Variants in CUEDC1 observed in about 807,000 individuals in gnomAD.
CUEDC1 encodes CUE domain-containing protein 1.
In CUEDC1, 30 loss-of-function variants were observed where a neutral mutation model predicts 43.7. The observed-to-expected ratio is 0.69, with a 90% CI of 0.51 to 0.93. The LOEUF is 0.93. Ranked by LOEUF, CUEDC1 falls within the 40% of genes least tolerant of loss-of-function variation. The pLI is 0.00. For missense variants in CUEDC1, 486 were observed against 549.0 expected, an observed-to-expected ratio of 0.89 and a Z score of 1.15; for synonymous variants, 223 against 223.6, an observed-to-expected ratio of 1.00 and a Z score of 0.02.
intron 1 of CUEDC1, among the ~76,000 whole-genome samples, chr17:57,923,278 GAA>G (rs2074714972): frequency 6.6e-6 from 1 of 152,150 alleles, no homozygotes; most frequent in Non-Finnish European, 1.5e-5. Flanking sequence ...CTGCCTCCTG[GAA>G]GCAGACAGTC....
At chr17:57,864,572 G>C (rs531761651) in intron 10 of CUEDC1, among the ~76,000 whole-genome samples, 1 of 152,268 alleles carries the variant, frequency 6.6e-6, no homozygotes, top group East Asian at 1.9e-4. Context: ...TGCAGAAGAT[G>C]CTAAGGCCCT....
Position 57,861,427 on chromosome 17 carries a change from G to C in CUEDC1, c.*1862C>G, listed in dbSNP as rs1017594049. On this transcript the variant is annotated 3_prime_UTR_variant, in exon 11 of 11. Transcript: ENST00000577830. ...CGCAAGGTTGAGGTGCAGCGGTGCC[G>C]CAGGTGTCACCTCGAGAGTGCAGTC... The C allele has an allele frequency of 6.6e-6, 1 of 152,348 alleles. No individual in the cohort carries two copies. The highest frequency in any genetic ancestry group is 1.5e-5 in the Non-Finnish European group (1 of 68,154). 9.4% of individuals were successfully genotyped at this position (152,348 alleles called of 1,614,324 possible).
At chr17:57,928,888 C>T (rs1292563657) in intron 1 of CUEDC1, among the ~76,000 whole-genome samples, 1 of 152,048 alleles carries the variant, frequency 6.6e-6, no homozygotes, top group East Asian at 1.9e-4. Flanking sequence ...TTACTTCTTT[C>T]CATCACTTAA....
In CUEDC1 at chr17:57,930,373, G is replaced by T. The variant is rs2074792239; in HGVS notation, c.-316+24852C>A. On this transcript the variant is annotated intron_variant, in intron 1 of 10. Coordinates refer to ENST00000577830, the MANE Select transcript of CUEDC1 (RefSeq NM_001271875.2). This position sits in a 1 kb window ranked among gnomAD's most constrained non-coding sequence, Gnocchi z 4.2. ...GCACTGGCTGTGAGGAGGCCAGAAG[G>T]TAGCCCTTACAAACACCTTTCCCCA... 6.6e-6 allele frequency among the ~76,000 whole-genome samples: 1 copy of T among 152,236 alleles called. No homozygotes were observed. Among genetic ancestry groups the T allele is most frequent in the African/African-American group, 2.4e-5 (1 of 41,472 alleles).
intron 1 of CUEDC1, among the ~76,000 whole-genome samples, chr17:57,926,262 G>A (rs2074746564): frequency 6.6e-6 from 1 of 152,140 alleles, no homozygotes; most frequent in Non-Finnish European, 1.5e-5. Flanking sequence ...AGGTGCCTCT[G>A]CATGGCCTCC....
At chr17:57,920,638 T>TTTCTTTTC (rs2074689493) in intron 1 of CUEDC1, among the ~76,000 whole-genome samples, 1 of 149,424 alleles carries the variant, frequency 6.7e-6, no homozygotes, top group Non-Finnish European at 1.5e-5. Flanking sequence ...TTTTCTTTTT[T>TTTCTTTTC]TTTTTTTTTT....
chr17:57,914,332 G>A (rs2074615495), intron 1 of CUEDC1, among the ~76,000 whole-genome samples: 1 of 152,118 alleles, frequency 6.6e-6, no homozygotes, highest in Non-Finnish European at 1.5e-5. Context: ...AAGTCCACAG[G>A]GTATCTCTGC....
chr17:57,938,882 G>A (rs141690837), intron 1 of CUEDC1, among the ~76,000 whole-genome samples: 7 of 150,354 alleles, frequency 4.7e-5, no homozygotes, highest in East Asian at 3.9e-4. Context: ...GGCTGGTCTC[G>A]AACTTCTGAC....
At chr17:57,933,773 C>G (rs1001350196) in intron 1 of CUEDC1, among the ~76,000 whole-genome samples, 7 of 152,186 alleles carry the variant, frequency 4.6e-5, no homozygotes, top group Admixed American at 4.6e-4. Flanking sequence ...CCCAGGCCGA[C>G]AGTGACTCGA....
intron 1 of CUEDC1, among the ~76,000 whole-genome samples, chr17:57,924,505 A>G (rs1324040056): frequency 6.6e-6 from 1 of 152,194 alleles, no homozygotes; most frequent in Non-Finnish European, 1.5e-5. Context: ...GTGTAAATCA[A>G]TAGAACTGGA....
chr17:57,912,616 A>G (rs2074595618), intron 1 of CUEDC1: 1 of 148,376 alleles, frequency 6.7e-6, no homozygotes, highest in Non-Finnish European at 1.5e-5. Context: ...CTTAAAAAAA[A>G]TAGTAAAGCC....
intron 1 of CUEDC1, among the ~76,000 whole-genome samples, chr17:57,911,529 G>C (rs1210803263): frequency 2.0e-5 from 3 of 152,042 alleles, no homozygotes; most frequent in Non-Finnish European, 4.4e-5. Flanking sequence ...TTGAGATGGG[G>C]TCTTGCTCTG....
chr17:57,948,488 G>A (rs1011409686), intron 1 of CUEDC1, among the ~76,000 whole-genome samples: 3 of 152,190 alleles, frequency 2.0e-5, no homozygotes, highest in Non-Finnish European at 2.9e-5. Context: ...GCTGCTCAGT[G>A]TTATCGGGCA....
chr17:57,910,294 T>C (rs1873087551), intron 1 of CUEDC1, among the ~76,000 whole-genome samples: 1 of 152,004 alleles, frequency 6.6e-6, no homozygotes, highest in South Asian at 2.1e-4. Context: ...GCTCAGCCCA[T>C]GGGGCCCCTG....
intron 1 of CUEDC1, among the ~76,000 whole-genome samples, chr17:57,911,741 A>G (rs1404488668): frequency 6.6e-6 from 1 of 152,174 alleles, no homozygotes; most frequent in Non-Finnish European, 1.5e-5. Flanking sequence ...TCCTGATCTC[A>G]AGTGATCCGC....
At chr17:57,942,856 G>A (rs2074929008) in intron 1 of CUEDC1, among the ~76,000 whole-genome samples, 1 of 151,654 alleles carries the variant, frequency 6.6e-6, no homozygotes, top group Non-Finnish European at 1.5e-5. Context: ...GTGAAACCCC[G>A]TCTCTACTAA....
chr17:57,883,018 A>C (rs2074236161), intron 2 of CUEDC1, among the ~76,000 whole-genome samples: 1 of 152,146 alleles, frequency 6.6e-6, no homozygotes, highest in African/African-American at 2.4e-5. Flanking sequence ...TTCAATGGTC[A>C]ACTGTATCTG....
intron 1 of CUEDC1, among the ~76,000 whole-genome samples, chr17:57,914,011 C>T (rs2074612364): frequency 6.6e-6 from 1 of 152,234 alleles, no homozygotes; most frequent in Non-Finnish European, 1.5e-5. Context: ...ATCAATGTGG[C>T]AGCACTAGTC....
intron 1 of CUEDC1, among the ~76,000 whole-genome samples, chr17:57,889,982 T>C (rs981812029): frequency 7.2e-5 from 11 of 152,116 alleles, no homozygotes; most frequent in African/African-American, 2.2e-4. Flanking sequence ...CAGTTTAAAA[T>C]ACACGAAAGG....
Sources: gnomAD v4.1 joint callset for allele counts (sites outside exome capture counted in the v4.1 genomes callset) on GRCh38, gnomAD v4.1.1 for gene constraint, Gnocchi (gnomAD v3.1) non-coding constraint, MANE v1.5 for transcripts, NCBI Gene and HGNC (gene_info 2026-07-23, HGNC 2026-07-21) for gene names.